Variants in PRRC2C observed in about 807,000 individuals in gnomAD.
The protein encoded by PRRC2C is protein PRRC2C.
A neutral mutation model predicts 317.2 loss-of-function variants in PRRC2C; 72 were observed. That is an observed-to-expected ratio of 0.23 (90% CI 0.19 to 0.28). PRRC2C has a LOEUF of 0.28. Among genes scored for constraint, PRRC2C ranks in the 10% least tolerant of loss-of-function variants. PRRC2C has a pLI of 1.00. For synonymous variants in PRRC2C, 1,296 were observed against 1,205.9 expected, an observed-to-expected ratio of 1.07 and a Z score of -1.55; for missense variants, 3,074 against 3,459.7, an observed-to-expected ratio of 0.89 and a Z score of 2.80.
At chr1:171,546,805 A>G (rs1679198817) in intron 17 of PRRC2C, among the ~76,000 whole-genome samples, 1 of 151,642 alleles carries the variant, frequency 6.6e-6, no homozygotes. Context: ...GTTTGTAGAA[A>G]TGGGTTTTCG....
At position 171,575,072 on chromosome 1, in the gene PRRC2C, G is replaced by A. The variant is rs761772153; in HGVS notation, c.6899G>A (p.Ser2300Asn). ...PSTANYNSFS[S>N]ASMPQIPVAS... is the part of the protein sequence containing the mutation. ...ACTGCTAATTACAATTCGTTCTCAA[G>A]TGCATCCATGCCCCAGATTCCTGTT... The change falls in exon 25 of 35, where the codon AGT becomes AAT. Residue 2300 changes from serine (S) to asparagine (N), a missense_variant. Coordinates refer to ENST00000647382, the MANE Select transcript of PRRC2C (RefSeq NM_001387844.1). 6.2e-7 allele frequency: 1 copy of A among 1,613,890 alleles called. No individual in the cohort carries two copies. The highest frequency in any genetic ancestry group is 8.5e-7 in the Non-Finnish European group (1 of 1,179,878).
intron 23 of PRRC2C, among the ~76,000 whole-genome samples, 177 bp downstream of exon 23, chr1:171,568,516 GT>G (rs1323417151): frequency 6.6e-6 from 1 of 152,162 alleles, no homozygotes; most frequent in East Asian, 1.9e-4. Context: ...TCAAAGCTGA[GT>G]TTTTTATTTT....
At chr1:171,568,812 G>C (rs777418948) in intron 23 of PRRC2C, among the ~76,000 whole-genome samples, 1 of 151,522 alleles carries the variant, frequency 6.6e-6, no homozygotes, top group Non-Finnish European at 1.5e-5. Context: ...ATACCAGCGT[G>C]TTAACAACAT....
At chr1:171,497,633 G>A (rs1361391612) in intron 1 of PRRC2C, among the ~76,000 whole-genome samples, 1 of 151,706 alleles carries the variant, frequency 6.6e-6, no homozygotes, top group Admixed American at 6.6e-5. Context: ...ACCAGGCCTG[G>A]CTAAATTTTA....
In PRRC2C at chr1:171,500,403, A is replaced by AT. The variant is rs557305379; in HGVS notation, c.-57-11622dup. On this transcript the variant is annotated intron_variant, in intron 1 of 34. Coordinates refer to ENST00000647382, the MANE Select transcript of PRRC2C (RefSeq NM_001387844.1). ...AGATTTTCTCTTCTTTTTAATTGTA[A>AT]TTTTTTTCATTTTTAGAGACAATCT... Among the ~76,000 whole-genome samples the AT allele has an allele frequency of 2.7e-3, 417 of 151,940 alleles. 4 individuals are homozygous for AT. The highest frequency in any genetic ancestry group is 9.5e-3 in the African/African-American group (392 of 41,416).
Position 171,591,524 on chromosome 1 carries a change from G to T in PRRC2C, c.8437-63G>T, listed in dbSNP as rs1651436411. ...TGATTGGTAAAAGAATTTGAACCAA[G>T]ATTGATTTGACAGGCTTTGGTAATG... On this transcript the variant is annotated intron_variant, in intron 34 of 34. Transcript: ENST00000647382. The T allele has an allele frequency of 3.2e-6, 5 of 1,567,260 alleles. No individual in the cohort carries two copies. The South Asian group carries it at 3.6e-5, about 11-fold the overall frequency.
intron 33 of PRRC2C, 59 bp from the exon 34 acceptor site, chr1:171,589,310 T>TTTG: frequency 4.7e-6 from 1 of 214,768 alleles, no homozygotes; most frequent in South Asian, 5.3e-5. Context: ...AGTTGGCAGT[T>TTTG]TTTTTTTTTT....
At chr1:171,495,826 A>G (rs548603381) in intron 1 of PRRC2C, among the ~76,000 whole-genome samples, 1 of 152,302 alleles carries the variant, frequency 6.6e-6, no homozygotes, top group African/African-American at 2.4e-5. Context: ...TCAGGCTGCC[A>G]TAACAAAATA....
At chr1:171,558,191 T>A in intron 19 of PRRC2C, 48 bp downstream of exon 19, 1 of 1,524,386 alleles carries the variant, frequency 6.6e-7, no homozygotes, top group Non-Finnish European at 8.8e-7. Context: ...ATAGGAATAC[T>A]GAGGTTTCTT....
In PRRC2C at chr1:171,540,697, A is replaced by C. The variant is rs1677800111; in HGVS notation, c.3231A>C (p.Ser1077=). Reference sequence around the variant, plus strand: ...CACCAGCACCAATTCAGCCACAGTCAGTTCCACCACCAATTCAACCAGAAG... The same window carrying C: ...CACCAGCACCAATTCAGCCACAGTCCGTTCCACCACCAATTCAACCAGAAG... The part of the protein sequence containing the change: ...PQPPAPIQPQ[S]VPPPIQPEAE... Residue 1077 remains serine, a synonymous_variant, in exon 16 of 35, where the codon TCA becomes TCC. Transcript: ENST00000647382. The C allele has an allele frequency of 6.2e-7, 1 of 1,613,920 alleles. No individual in the cohort carries two copies. The highest frequency in any genetic ancestry group is 8.5e-7 in the Non-Finnish European group (1 of 1,179,898).
At chr1:171,524,741 A>AT (rs1374387880) in intron 9 of PRRC2C, 80 bp from the exon 10 acceptor site, 12 of 1,377,314 alleles carry the variant, frequency 8.7e-6, no homozygotes, top group African/African-American at 1.5e-5. Flanking sequence ...TACAGAAATA[A>AT]TTTTTTTAAT....
rs772482432 is a variant in PRRC2C, at chr1:171,542,136, G to C, written c.4670G>C (p.Arg1557Pro). The C allele has an allele frequency of 1.9e-6, 3 of 1,612,666 alleles. No individual in the cohort carries two copies. The highest frequency in any genetic ancestry group is 2.5e-6 in the Non-Finnish European group (3 of 1,179,360). The change falls in exon 16 of 35, where the codon CGT becomes CCT. Residue 1557 changes from arginine to proline, a missense_variant. Arg to Pro is a moderately radical substitution (Grantham distance 103). Around this residue, in one of 11 missense-constraint regions of PRRC2C, gnomAD observed 178 missense variants for 163.0 expected, o/e 1.09. Transcript: ENST00000647382. The stretch of plus-strand genomic sequence containing the variant: ...AGACCAGTAGATCGTCAGAATCGAC[G>C]TGGCAACAATGGTCCACCCAAATCA... ...SQRPVDRQNR[R>P]GNNGPPKSGR...
In PRRC2C at chr1:171,542,014, A is replaced by G. The variant is rs775776731; in HGVS notation, c.4548A>G (p.Lys1516=). ...DFNERRERDE[K]KNADLNAQTV... is the part of the protein sequence containing the mutation. Reference sequence around the variant, plus strand: ...ATGAGAGGCGAGAGAGGGATGAAAAAAAAAATGCTGACTTGAATGCACAAA... The same window carrying G: ...ATGAGAGGCGAGAGAGGGATGAAAAGAAAAATGCTGACTTGAATGCACAAA... The change falls in exon 16 of 35, where the codon AAA becomes AAG. Residue 1516 remains lysine (K), a synonymous_variant. Coordinates refer to ENST00000647382, the MANE Select transcript of PRRC2C (RefSeq NM_001387844.1). 14 of 1,613,776 alleles carry G rather than the reference A, an allele frequency of 8.7e-6. No homozygotes were observed. The highest frequency in any genetic ancestry group is 1.2e-5 in the Non-Finnish European group (14 of 1,179,880).
chr1:171,490,480 A>G (rs554754932), intron 1 of PRRC2C, among the ~76,000 whole-genome samples: 14 of 152,338 alleles, frequency 9.2e-5, no homozygotes, highest in African/African-American at 3.4e-4. Context: ...AGGAATAGAG[A>G]TATGAATTAG....
Position 171,523,228 on chromosome 1 carries a change from C to T in PRRC2C, c.841C>T (p.Arg281Ter). ...TGACCTGCCTTTCATTAGAGGCCTT[C>T]GAGGAAGAGGCCCACCTCCTTCATG... is the stretch of plus-strand genomic sequence containing the variant. ...PSLSETNKGL[R>*]GRGPPPSWAS... Residue 281 changes from arginine to a stop codon, truncating the protein, a stop_gained, in exon 8 of 35, where the codon CGA becomes TGA. Transcript: ENST00000647382. LOFTEE classifies it high-confidence loss of function. 6.2e-7 allele frequency: 1 copy of T among 1,610,280 alleles called. No individual in the cohort carries two copies. Among genetic ancestry groups the T allele is most frequent in the Non-Finnish European group, 8.5e-7 (1 of 1,178,428 alleles).
intron 4 of PRRC2C, 37 bp downstream of exon 4, chr1:171,514,682 G>A (rs1037063668): frequency 6.7e-6 from 10 of 1,497,722 alleles, no homozygotes; most frequent in Middle Eastern, 3.4e-4. Context: ...GCCTAGGCTT[G>A]ATAGTTACTG....
chr1:171,576,636 A>G (rs1465435407), intron 25 of PRRC2C, among the ~76,000 whole-genome samples: 2 of 152,098 alleles, frequency 1.3e-5, no homozygotes, highest in Admixed American at 6.6e-5. Flanking sequence ...ACTATATACC[A>G]GGTGGTTTTG....
intron 18 of PRRC2C, among the ~76,000 whole-genome samples, chr1:171,552,710 A>G (rs971891503): frequency 6.6e-5 from 10 of 151,976 alleles, no homozygotes; most frequent in East Asian, 5.8e-4. Context: ...TTCTGCATCT[A>G]TTGAGATAAT....
At chr1:171,499,936 T>C (rs912579785) in intron 1 of PRRC2C, among the ~76,000 whole-genome samples, 7 of 152,292 alleles carry the variant, frequency 4.6e-5, no homozygotes, top group East Asian at 1.9e-4. Context: ...TTATATGTGA[T>C]ACTTGACTAT....
Sources: allele counts gnomAD v4.1 joint callset (sites outside exome capture counted in the v4.1 genomes callset), GRCh38; gene constraint gnomAD v4.1.1; regional missense constraint gnomAD v4.1.1; transcripts MANE v1.5; gene names NCBI Gene and HGNC (gene_info 2026-07-23, HGNC 2026-07-21).